The following B3GNT2 variants were observed in gnomAD, a reference collection of about 807,000 sequenced individuals.
B3GNT2 encodes the protein UDP-GlcNAc:betaGal beta-1,3-N-acetylglucosaminyltransferase 2.
Under a neutral mutation model 27.6 loss-of-function variants are expected in B3GNT2, and 12 were observed. The observed-to-expected ratio is 0.44, with a 90% confidence interval of 0.28 to 0.71. The LOEUF (loss-of-function observed/expected upper bound fraction) is 0.71, where lower values mean the gene tolerates loss of function less well. B3GNT2 is among the 30% of genes least tolerant of loss of function. The probability of loss-of-function intolerance (pLI) is 0.17; values close to 1 mark genes in which losing one functional copy is unlikely to be tolerated. For missense variants in B3GNT2, 413 were observed against 488.5 expected, an observed-to-expected ratio of 0.85 and a Z score of 1.46; for synonymous variants, 192 against 189.7, an observed-to-expected ratio of 1.01 and a Z score of -0.10.
At chr2:62,203,778 T>C (rs941301169) in intron 1 of B3GNT2, among the ~76,000 whole-genome samples, 16 of 151,660 alleles carry the variant, frequency 1.1e-4, no homozygotes, top group Non-Finnish European at 2.1e-4. Flanking sequence ...ATCCTGGGAG[T>C]TGGGGGTCAG....
chr2:62,197,051 GTT>G (rs1034610025), intron 1 of B3GNT2, among the ~76,000 whole-genome samples: 2 of 147,274 alleles, frequency 1.4e-5, no homozygotes, highest in Non-Finnish European at 3.0e-5. Context: ...ATTCCACACT[GTT>G]TGCGTTGAAT....
intron 1 of B3GNT2, among the ~76,000 whole-genome samples, chr2:62,214,531 G>A (rs934417626): frequency 2.0e-4 from 30 of 152,324 alleles, no homozygotes; most frequent in Admixed American, 1.7e-3. Flanking sequence ...TCTGGAGTTA[G>A]TTTGTTGACC....
intron 1 of B3GNT2, among the ~76,000 whole-genome samples, chr2:62,216,306 C>T (rs1466985825): frequency 6.6e-6 from 1 of 152,136 alleles, no homozygotes; most frequent in South Asian, 2.1e-4. Context: ...TATTGAAGAC[C>T]TTTGCTTTGG....
intron 1 of B3GNT2, among the ~76,000 whole-genome samples, chr2:62,217,883 C>T (rs1674605738): frequency 6.6e-6 from 1 of 152,196 alleles, no homozygotes; most frequent in Non-Finnish European, 1.5e-5. Flanking sequence ...TACTGTCTTT[C>T]TAAATATTTT....
chr2:62,213,831 G>A (rs1047408802), intron 1 of B3GNT2, among the ~76,000 whole-genome samples: 1 of 152,144 alleles, frequency 6.6e-6, no homozygotes, highest in Non-Finnish European at 1.5e-5. Context: ...AGGAGAAAGG[G>A]TGTATATATA....
At chr2:62,210,321 T>G (rs1674457109) in intron 1 of B3GNT2, among the ~76,000 whole-genome samples, 1 of 152,186 alleles carries the variant, frequency 6.6e-6, no homozygotes, top group Non-Finnish European at 1.5e-5. Context: ...TTGCCTCACA[T>G]TTTTTAGTTT....
At chr2:62,215,127 C>A (rs1180620379) in intron 1 of B3GNT2, among the ~76,000 whole-genome samples, 2 of 152,166 alleles carry the variant, frequency 1.3e-5, no homozygotes, top group Non-Finnish European at 2.9e-5. Flanking sequence ...AGAATATGTC[C>A]TGCCAGATGC....
chr2:62,221,333 T>C (rs1674686819), intron 1 of B3GNT2, among the ~76,000 whole-genome samples: 1 of 152,250 alleles, frequency 6.6e-6, no homozygotes. Flanking sequence ...TGCCAGTTCT[T>C]GGCTATTGGG....
At chr2:62,213,706 G>T (rs1171319785) in intron 1 of B3GNT2, among the ~76,000 whole-genome samples, 1 of 152,090 alleles carries the variant, frequency 6.6e-6, no homozygotes, top group Non-Finnish European at 1.5e-5. Flanking sequence ...TCTCCCCTAA[G>T]TCTAGCAAGT....
At chr2:62,210,943 GGTTCCCTTCGTAATAT>G (rs1315772907) in intron 1 of B3GNT2, among the ~76,000 whole-genome samples, 1 of 152,108 alleles carries the variant, frequency 6.6e-6, no homozygotes, top group East Asian at 1.9e-4. Flanking sequence ...TAAAAGGTTG[GGTTCCCTTCGTAATAT>G]GTTTCCTCCG....
chr2:62,201,204 A>G (rs920660735), intron 1 of B3GNT2, among the ~76,000 whole-genome samples: 3 of 152,166 alleles, frequency 2.0e-5, no homozygotes, highest in East Asian at 1.9e-4. Flanking sequence ...TTTATTTAAT[A>G]CTTTGTTGAT....
intron 1 of B3GNT2, among the ~76,000 whole-genome samples, chr2:62,214,435 G>C (rs1674533922): frequency 1.3e-5 from 2 of 152,178 alleles, no homozygotes; most frequent in South Asian, 4.1e-4. Context: ...GGTAATGTGG[G>C]GTTTTCACCA....
In B3GNT2 at chr2:62,222,775, A is replaced by C; in HGVS notation, c.555A>C (p.Thr185=). 1 of 1,614,000 alleles carries C rather than the reference A, an allele frequency of 6.2e-7. No homozygotes were observed. Among genetic ancestry groups the C allele is most frequent in the Non-Finnish European group, 8.5e-7 (1 of 1,180,010 alleles). ...TVVRVFLLGQ[T]PPEDNHPDLS... is the part of the protein sequence containing the mutation. Reference sequence around the variant, plus strand: ...TGCGAGTCTTCCTGCTGGGCCAGACACCCCCAGAGGACAACCACCCCGACC... The same window carrying C: ...TGCGAGTCTTCCTGCTGGGCCAGACCCCCCCAGAGGACAACCACCCCGACC... The change falls in exon 2 of 2, where the codon ACA becomes ACC. Residue 185 remains threonine (T), a synonymous_variant. Transcript: ENST00000301998. This position sits in a 1 kb window ranked among gnomAD's most constrained non-coding sequence, Gnocchi z 4.2.
chr2:62,202,034 G>C (rs1317844733), intron 1 of B3GNT2, among the ~76,000 whole-genome samples: 1 of 152,174 alleles, frequency 6.6e-6, no homozygotes, highest in Admixed American at 6.5e-5. Flanking sequence ...TAGCCAACAC[G>C]GAAAACCTGC....
At chr2:62,220,859 G>A (rs1023011662) in intron 1 of B3GNT2, among the ~76,000 whole-genome samples, 6 of 152,184 alleles carry the variant, frequency 3.9e-5, no homozygotes, top group African/African-American at 1.4e-4. Flanking sequence ...TGTCAATAGT[G>A]TTAGAACCTT....
At chr2:62,206,305 G>T (rs1674373239) in intron 1 of B3GNT2, among the ~76,000 whole-genome samples, 1 of 152,046 alleles carries the variant, frequency 6.6e-6, no homozygotes, top group African/African-American at 2.4e-5. Flanking sequence ...TACTTTTTCT[G>T]GGAACATCAG....
intron 1 of B3GNT2, among the ~76,000 whole-genome samples, chr2:62,208,226 C>T (rs985087751): frequency 2.4e-4 from 26 of 109,176 alleles, no homozygotes; most frequent in African/African-American, 8.6e-4. Flanking sequence ...CTTCCTTTCC[C>T]CCTTCCTTCC....
chr2:62,203,128 G>A (rs1164470947), intron 1 of B3GNT2, among the ~76,000 whole-genome samples: 1 of 152,168 alleles, frequency 6.6e-6, no homozygotes, highest in East Asian at 1.9e-4. Context: ...GGTTTAAGTA[G>A]GCGTTTGACA....
At chr2:62,196,781 G>A (rs961004124) in intron 1 of B3GNT2, among the ~76,000 whole-genome samples, 2 of 152,150 alleles carry the variant, frequency 1.3e-5, no homozygotes, top group East Asian at 1.9e-4. Flanking sequence ...CTGGGGCCGG[G>A]CCTCCTCATC....
Sources: gnomAD v4.1 joint callset for allele counts (sites outside exome capture counted in the v4.1 genomes callset) on GRCh38, gnomAD v4.1.1 for gene constraint, Gnocchi (gnomAD v3.1) non-coding constraint, MANE v1.5 for transcripts, NCBI Gene and HGNC (gene_info 2026-07-23, HGNC 2026-07-21) for gene names.